POLK: variants seen among roughly 807,000 people sequenced by gnomAD.
The protein encoded by POLK is DNA polymerase kappa.
POLK carries 76 observed loss-of-function variants against 94.0 expected under a neutral mutation model. The observed-to-expected ratio is 0.81, with a 90% CI of 0.67 to 0.98. The LOEUF (loss-of-function observed/expected upper bound fraction) is 0.98. Ranked by LOEUF, POLK falls within the 50% of genes least tolerant of loss-of-function variation. POLK has a pLI of 0.00. For missense variants in POLK, 954 were observed against 1,010.1 expected (o/e 0.94, Z 0.75); for synonymous variants, 349 against 325.4 (o/e 1.07, Z -0.78).
intron 12 of POLK, among the ~76,000 whole-genome samples, chr5:75,595,052 A>G (rs1772992506): frequency 6.6e-6 from 1 of 152,052 alleles, no homozygotes; most frequent in Non-Finnish European, 1.5e-5. Flanking sequence ...GGAGTTCAAG[A>G]CCAGCCTGGC....
chr5:75,605,040 C>G (rs1773385530), downstream of POLK, among the ~76,000 whole-genome samples: 1 of 151,880 alleles, frequency 6.6e-6, no homozygotes, highest in African/African-American at 2.4e-5. Context: ...AAAGATAATT[C>G]AGAGGCAAAT....
At chr5:75,579,814 AG>A (rs1772105257) in intron 6 of POLK, among the ~76,000 whole-genome samples, 1 of 151,788 alleles carries the variant, frequency 6.6e-6, no homozygotes, top group Non-Finnish European at 1.5e-5. Flanking sequence ...TAGGAGGCTG[AG>A]GTGGGAGGAT....
chr5:75,543,232 G>T (rs1384292059), intron 1 of POLK, among the ~76,000 whole-genome samples: 1 of 150,882 alleles, frequency 6.6e-6, no homozygotes, highest in Non-Finnish European at 1.5e-5. Flanking sequence ...AGTAGAGAGG[G>T]TTTCACCATT....
rs376037489 is a variant in POLK, at chr5:75,538,033, GT to G, written c.-13-8973del. Among the ~76,000 whole-genome samples, 164 of 151,560 alleles carry G rather than the reference GT, an allele frequency of 1.1e-3. 1 individual carries two copies. In the East Asian group the frequency reaches 0.027, roughly 25 times the overall value. On this transcript the variant is annotated intron_variant, in intron 1 of 14. Coordinates refer to ENST00000241436, the Ensembl canonical transcript of POLK. ...CACCACACCTGGCTAATTTTTTGTA[GT>G]TTTAGTAGAGACGGGGTTTCACCAT...
exon 15 of POLK, chr5:75,600,203 A>G (rs1773265951): frequency 1.3e-5 from 2 of 152,230 alleles, no homozygotes; most frequent in South Asian, 2.1e-4. Context: ...GTGAAAGGAA[A>G]TCCAGATGAC....
chr5:75,518,383 A>C (rs763347616), intron 1 of POLK, among the ~76,000 whole-genome samples: 19 of 152,134 alleles, frequency 1.2e-4, no homozygotes, highest in South Asian at 4.1e-4. Context: ...GTGTCCAGGA[A>C]TTTATTAATT....
chr5:75,585,282 A>T (rs1392141234), intron 9 of POLK, among the ~76,000 whole-genome samples: 1 of 152,320 alleles, frequency 6.6e-6, no homozygotes, highest in African/African-American at 2.4e-5. Context: ...AAGGAAGGAG[A>T]TGTAATGATT....
intron 1 of POLK, among the ~76,000 whole-genome samples, chr5:75,542,658 T>TATACAC (rs1554054329): frequency 8.8e-6 from 1 of 113,368 alleles, no homozygotes; most frequent in African/African-American, 4.2e-5. Context: ...TATACACATA[T>TATACAC]ATATATACAC....
rs139327078 is a variant in POLK, at chr5:75,539,054, G to A, written c.-13-7956G>A. Among the ~76,000 whole-genome samples the A allele has an allele frequency of 2.0e-3, 305 of 152,308 alleles. 1 individual carries two copies. The highest frequency in any genetic ancestry group is 6.8e-3 in the African/African-American group (284 of 41,570). On this transcript the variant is annotated intron_variant, in intron 1 of 14. Coordinates refer to ENST00000241436, the Ensembl canonical transcript of POLK. ...CCCAAAGTGCAGGGATTACAGGCAT[G>A]AGCCACCGTGCCCGGCCGTTTAAGT...
chr5:75,553,394 A>G (rs1770426542), intron 3 of POLK, among the ~76,000 whole-genome samples: 2 of 152,128 alleles, frequency 1.3e-5, no homozygotes, highest in East Asian at 1.9e-4. Context: ...CTAATATGCT[A>G]CAAAATCCTT....
upstream of POLK, chr5:75,511,267 C>T: frequency 6.3e-7 from 1 of 1,594,326 alleles, no homozygotes; most frequent in Non-Finnish European, 8.5e-7. Flanking sequence ...CCGGAGGAGG[C>T]GCCCAGTCCT....
exon 2 of POLK, chr5:75,547,104 A>T: frequency 1.3e-6 from 2 of 1,534,928 alleles, no homozygotes; most frequent in Non-Finnish European, 1.8e-6. Context: ...TAAAGCAGGA[A>T]TGGAAGGATT....
chr5:75,568,329 G>A (rs1355395515), intron 3 of POLK, among the ~76,000 whole-genome samples: 1 of 152,022 alleles, frequency 6.6e-6, no homozygotes, highest in Non-Finnish European at 1.5e-5. Context: ...AATGGTCTTG[G>A]TAACTTCCCT....
intron 6 of POLK, among the ~76,000 whole-genome samples, chr5:75,580,884 A>G (rs1277896727): frequency 2.0e-5 from 3 of 150,448 alleles, no homozygotes; most frequent in African/African-American, 7.3e-5. Flanking sequence ...TTTTTTTAAG[A>G]AAAAGGTAAT....
At chr5:75,526,385 A>G (rs1375483608) in intron 1 of POLK, among the ~76,000 whole-genome samples, 1 of 152,052 alleles carries the variant, frequency 6.6e-6, no homozygotes, top group East Asian at 1.9e-4. Context: ...TAGAAAATAA[A>G]AAACCTCAGC....
chr5:75,590,610 A>G (rs1772734309), intron 11 of POLK, 170 bp downstream of exon 11: 5 of 564,074 alleles, frequency 8.9e-6, no homozygotes, highest in African/African-American at 5.6e-5. Context: ...ATTCTGACCC[A>G]TATCTGGAGT....
chr5:75,549,304 A>G (rs1770215950), intron 2 of POLK, among the ~76,000 whole-genome samples: 1 of 152,106 alleles, frequency 6.6e-6, no homozygotes, highest in Non-Finnish European at 1.5e-5. Flanking sequence ...AATTTATTAA[A>G]TAGTCCATTC....
chr5:75,593,949 T>C (rs1772927418), exon 12 of POLK: 1 of 1,608,264 alleles, frequency 6.2e-7, no homozygotes, highest in Middle Eastern at 1.7e-4. Flanking sequence ...CAGTTTCATC[T>C]GTTGTTTCTA....
At chr5:75,586,983 A>C (rs745403511) in intron 9 of POLK, 43 bp from the exon 10 acceptor site, 22 of 1,447,878 alleles carry the variant, frequency 1.5e-5, no homozygotes, top group Non-Finnish European at 2.0e-5. Context: ...ACTAAAAAAA[A>C]CTCAGTCTTT....
Sources: allele counts gnomAD v4.1 joint callset (sites outside exome capture counted in the v4.1 genomes callset), GRCh38; gene constraint gnomAD v4.1.1; transcripts MANE v1.5; gene names NCBI Gene and HGNC (gene_info 2026-07-23, HGNC 2026-07-21).